The following DDAH1 variants were observed in gnomAD, a reference collection of about 807,000 sequenced individuals.
DDAH1 encodes the protein dimethylarginine dimethylaminohydrolase 1, also known as N(G),N(G)-dimethylarginine dimethylaminohydrolase 1.
In DDAH1, 19 loss-of-function variants were observed where a neutral mutation model predicts 28.8. That is an observed-to-expected ratio of 0.66 (90% confidence interval 0.46 to 0.97). The LOEUF (loss-of-function observed/expected upper bound fraction) is 0.97, where lower values mean the gene tolerates loss of function less well. Among genes scored for constraint, DDAH1 ranks in the 50% least tolerant of loss-of-function variants. The probability of loss-of-function intolerance (pLI) is 0.00; values close to 1 mark genes in which losing one functional copy is unlikely to be tolerated. For missense variants in DDAH1, 326 were observed against 375.9 expected (o/e 0.87, Z 1.10); for synonymous variants, 153 against 154.4 (o/e 0.99, Z 0.07).
chr1:85,492,962 C>G (rs955064723), intron 2 of DDAH1, among the ~76,000 whole-genome samples: 2 of 152,188 alleles, frequency 1.3e-5, no homozygotes, highest in East Asian at 3.9e-4. Flanking sequence ...ATAGATAAAA[C>G]TTGGCATATG....
chr1:85,419,624 T>C (rs920497133), intron 1 of DDAH1, among the ~76,000 whole-genome samples: 41 of 148,584 alleles, frequency 2.8e-4, no homozygotes, highest in African/African-American at 9.8e-4. Context: ...TAAAGAAAAA[T>C]TGTGAAACTA....
intron 1 of DDAH1, among the ~76,000 whole-genome samples, chr1:85,403,060 T>C (rs927367005): frequency 2.0e-5 from 3 of 152,152 alleles, no homozygotes; most frequent in Admixed American, 1.3e-4. Flanking sequence ...CTGTGTGTGT[T>C]GGCTGTGGAC....
At chr1:85,380,493 A>C (rs1650928943) in intron 1 of DDAH1, 1 of 152,200 alleles carries the variant, frequency 6.6e-6, no homozygotes, top group African/African-American at 2.4e-5. Context: ...AAATGGTCAT[A>C]TTCCCACTGG....
intron 1 of DDAH1, among the ~76,000 whole-genome samples, chr1:85,518,906 A>T (rs1460783269): frequency 6.6e-6 from 1 of 152,084 alleles, no homozygotes; most frequent in African/African-American, 2.4e-5. Flanking sequence ...AGCACATAGC[A>T]ATTACTCAGA....
Position 85,464,433 on chromosome 1 carries a change from G to T in DDAH1, c.303+310C>A. ...GGGAAACACTCAGAGTTGCACTGTC[G>T]TCGCTGCCGTTTAATTTTCACAAAT... is the stretch of plus-strand genomic sequence containing the variant. On this transcript the variant is annotated intron_variant, in intron 1 of 5. Coordinates refer to ENST00000284031, the MANE Select transcript of DDAH1 (RefSeq NM_012137.4). The surrounding 1 kb of genome is among the most constrained non-coding windows in gnomAD (Gnocchi z 4.4). 7.1e-7 allele frequency: 1 copy of T among 1,416,212 alleles called. No homozygotes were observed. Among genetic ancestry groups the T allele is most frequent in the Non-Finnish European group, 9.4e-7 (1 of 1,061,462 alleles). The allele number at this position is 1,416,212 out of a possible 1,614,324, so 87.7% of individuals were successfully genotyped here.
intron 1 of DDAH1, among the ~76,000 whole-genome samples, chr1:85,395,005 A>G (rs1458141032): frequency 6.6e-6 from 1 of 152,212 alleles, no homozygotes; most frequent in Non-Finnish European, 1.5e-5. Flanking sequence ...AGGTTACTAA[A>G]AGTTAAAAAT....
chr1:85,564,850 C>G (rs557539884), intron 1 of DDAH1, among the ~76,000 whole-genome samples: 1 of 143,350 alleles, frequency 7.0e-6, no homozygotes, highest in East Asian at 2.1e-4. Flanking sequence ...GGCAACAGAG[C>G]AAGACTATGT....
intron 1 of DDAH1, among the ~76,000 whole-genome samples, chr1:85,571,787 C>CTTTTTTTTTTTTTT (rs58835610): frequency 1.1e-4 from 9 of 85,380 alleles, no homozygotes; most frequent in African/African-American, 1.9e-4. Context: ...TGTTTATAAG[C>CTTTTTTTTTTTTTT]TTTTTTTTTT....
chr1:85,484,751 T>G (rs144030013), intron 2 of DDAH1, among the ~76,000 whole-genome samples: 52 of 152,340 alleles, frequency 3.4e-4, no homozygotes, highest in African/African-American at 1.2e-3. Flanking sequence ...TAACAATCAT[T>G]ATCACCATCT....
intron 1 of DDAH1, among the ~76,000 whole-genome samples, chr1:85,554,285 T>TG (rs890814239): frequency 2.7e-5 from 4 of 149,988 alleles, no homozygotes; most frequent in African/African-American, 9.8e-5. Context: ...AGTTTTTTTT[T>TG]TTTTTTTTTT....
chr1:85,336,065 T>C (rs1423071654), intron 4 of DDAH1, among the ~76,000 whole-genome samples: 3 of 152,060 alleles, frequency 2.0e-5, no homozygotes, highest in Non-Finnish European at 4.4e-5. Context: ...AATACAATAA[T>C]AGCTAGGGAC....
intron 1 of DDAH1, among the ~76,000 whole-genome samples, chr1:85,497,231 C>T (rs150514655): frequency 0.012 from 1,875 of 152,226 alleles, 24 homozygotes; most frequent in Non-Finnish European, 0.02. Context: ...AGGTGTCATA[C>T]AGCTCATGAG....
chr1:85,543,832 G>A (rs1239836151), intron 1 of DDAH1, among the ~76,000 whole-genome samples: 1 of 152,150 alleles, frequency 6.6e-6, no homozygotes, highest in Non-Finnish European at 1.5e-5. Context: ...GAAAACAGCG[G>A]GCAAGCCAAA....
At chr1:85,500,055 CTCTTT>C (rs202102288) in intron 1 of DDAH1, among the ~76,000 whole-genome samples, 36 of 112,272 alleles carry the variant, frequency 3.2e-4, no homozygotes, top group East Asian at 4.8e-4. Context: ...TTCTTTCTCT[CTCTTT>C]TCTTTTCTTT....
intron 1 of DDAH1, among the ~76,000 whole-genome samples, chr1:85,432,708 T>C (rs1653749731): frequency 6.6e-6 from 1 of 152,222 alleles, no homozygotes; most frequent in South Asian, 2.1e-4. Context: ...GAAATGAATC[T>C]CAGTTTACTT....
At chr1:85,344,206 T>G (rs142888723) in intron 4 of DDAH1, among the ~76,000 whole-genome samples, 1 of 152,214 alleles carries the variant, frequency 6.6e-6, no homozygotes, top group African/African-American at 2.4e-5. Context: ...TGTAGTATTT[T>G]TATTAAAAGT....
chr1:85,491,739 T>A (rs1474247292), intron 2 of DDAH1, among the ~76,000 whole-genome samples: 2 of 152,154 alleles, frequency 1.3e-5, no homozygotes, highest in African/African-American at 4.8e-5. Flanking sequence ...AGGTGCCCAA[T>A]AAACATATAT....
At chr1:85,561,078 T>C (rs913005667) in intron 1 of DDAH1, among the ~76,000 whole-genome samples, 2 of 152,118 alleles carry the variant, frequency 1.3e-5, no homozygotes, top group Non-Finnish European at 2.9e-5. Flanking sequence ...GAGTGTATCC[T>C]AGTGGTTTAC....
At chr1:85,394,363 C>T (rs1052717896) in intron 1 of DDAH1, among the ~76,000 whole-genome samples, 2 of 152,214 alleles carry the variant, frequency 1.3e-5, no homozygotes, top group Admixed American at 1.3e-4. Context: ...CAACATGAGA[C>T]ACTCACCAGA....
Sources: allele counts gnomAD v4.1 joint callset (sites outside exome capture counted in the v4.1 genomes callset), GRCh38; gene constraint gnomAD v4.1.1; non-coding constraint Gnocchi (gnomAD v3.1); transcripts MANE v1.5; gene names NCBI Gene and HGNC (gene_info 2026-07-23, HGNC 2026-07-21).